PPIP5K1: variants seen among roughly 807,000 people sequenced by gnomAD.
The protein encoded by PPIP5K1 is inositol hexakisphosphate and diphosphoinositol-pentakisphosphate kinase 1.
A neutral mutation model predicts 27.7 loss-of-function variants in PPIP5K1; 6 were observed. The observed-to-expected ratio is 0.22, with a 90% CI of 0.12 to 0.43. The LOEUF is 0.43. Among genes scored for constraint, PPIP5K1 ranks in the 20% least tolerant of loss-of-function variants. The pLI, the probability that PPIP5K1 is intolerant of heterozygous loss-of-function variation, is 1.00. For missense variants in PPIP5K1, 394 were observed against 635.4 expected, an observed-to-expected ratio of 0.62 and a Z score of 4.08; for synonymous variants, 145 against 242.6, an observed-to-expected ratio of 0.60 and a Z score of 3.74.
chr15:43,552,733 A>G (rs1009221382), intron 30 of PPIP5K1, among the ~76,000 whole-genome samples: 1 of 150,354 alleles, frequency 6.7e-6, no homozygotes, highest in Non-Finnish European at 1.5e-5. Flanking sequence ...ATGTTGTTTC[A>G]CCCACAAAAA....
In PPIP5K1 at chr15:43,534,880, C is replaced by T; in HGVS notation, c.4267G>A (p.Val1423Ile). 1 of 1,613,992 alleles carries T rather than the reference C, an allele frequency of 6.2e-7. No individual in the cohort carries two copies. Among genetic ancestry groups the T allele is most frequent in the Non-Finnish European group, 8.5e-7 (1 of 1,179,924 alleles). Residue 1423 changes from valine (V) to isoleucine (I), a missense_variant, in exon 32 of 32, where the codon GTA becomes ATA. By Grantham distance (29) the Val-to-Ile change is conservative (BLOSUM62 3). Transcript: ENST00000420765. The part of the protein sequence containing the change: ...GVGSLVQETL[V>I]EVGSPAEEIP... Reference sequence around the variant, plus strand: ...TCTTCAGCTGGGCTGCCAACTTCTACAAGGGTTTCCTGGACCAAGCTACCA... The same window carrying T: ...TCTTCAGCTGGGCTGCCAACTTCTATAAGGGTTTCCTGGACCAAGCTACCA...
chr15:43,539,199 C>CT lies in PPIP5K1; in HGVS notation c.3670+270_3670+271insA, dbSNP rs2080335210. ...GCAATAAGAGCGAAACTCTGTCTCT[C>CT]AAAAAAAAAAAACAATTATTCCTAA... On this transcript the variant is annotated intron_variant, in intron 31 of 31. Transcript: ENST00000420765. 2.8e-5 allele frequency among the ~76,000 whole-genome samples: 4 copies of CT among 140,538 alleles called. No homozygotes were observed. The South Asian group carries it at 9.0e-4, about 32-fold the overall frequency. The allele number at this position is 140,538 out of a possible 152,430, so 92.2% of individuals were successfully genotyped here. A position where few individuals can be genotyped will look rare whatever the true frequency, so the allele number is the denominator to read the frequency against.
intron 30 of PPIP5K1, among the ~76,000 whole-genome samples, chr15:43,551,335 C>G (rs2584724): frequency 2.0e-5 from 3 of 151,704 alleles, no homozygotes; most frequent in Admixed American, 6.6e-5. Flanking sequence ...CTGGCCAACA[C>G]GGCGAAACCC....
chr15:43,549,056 A>AATATATATATATATATAT (rs762219321), intron 30 of PPIP5K1, among the ~76,000 whole-genome samples: 28 of 54,244 alleles, frequency 5.2e-4, no homozygotes, highest in African/African-American at 3.7e-3. Flanking sequence ...AAAAAAAAAA[A>AATATATATATATATATAT]ATATATATAT....
chr15:43,535,012 C>T lies in PPIP5K1; in HGVS notation c.4135G>A (p.Glu1379Lys), dbSNP rs997443415. Residue 1379 changes from glutamate (E) to lysine (K), a missense_variant, in exon 32 of 32, where the codon GAG (glutamate) becomes AAG (lysine). Physicochemically the swap from Glu to Lys is moderately conservative, Grantham distance 56. This residue lies in a region of PPIP5K1 where 379 missense variants were observed against 423.9 expected (regional missense o/e 0.89). Transcript: ENST00000420765. ...KSSQLCQKVS[E>K]EVCQLCLENS... ...TCCAGACATAGCTGGCAAACTTCCTCAGAGACTTTCTGGCACAGTTGGCTG... is the reference window on the plus strand; with the variant it reads ...TCCAGACATAGCTGGCAAACTTCCTTAGAGACTTTCTGGCACAGTTGGCTG... The T allele has an allele frequency of 5.6e-6, 9 of 1,613,108 alleles. No homozygotes were observed. Among genetic ancestry groups the T allele is most frequent in the Admixed American group, 5.0e-5 (3 of 59,936 alleles).
intron 30 of PPIP5K1, among the ~76,000 whole-genome samples, chr15:43,541,474 T>C (rs556863467): frequency 9.2e-5 from 14 of 152,108 alleles, no homozygotes; most frequent in African/African-American, 2.4e-4. Flanking sequence ...CCCAGCACTT[T>C]GGGAGGCCGA....
intron 31 of PPIP5K1, chr15:43,536,034 C>G: frequency 1.7e-6 from 2 of 1,191,366 alleles, no homozygotes; most frequent in Non-Finnish European, 2.2e-6. Context: ...CAATGTATTT[C>G]TGGGGCAGAG....
intron 30 of PPIP5K1, among the ~76,000 whole-genome samples, chr15:43,547,281 A>G (rs1208740264): frequency 1.3e-5 from 2 of 152,134 alleles, no homozygotes; most frequent in African/African-American, 4.8e-5. Flanking sequence ...TACGTATTAG[A>G]TATAATATTT....
In PPIP5K1 at chr15:43,535,274, A is replaced by G. The variant is rs770834917; in HGVS notation, c.3873T>C (p.Phe1291=). 1 of 1,614,150 alleles carries G rather than the reference A, an allele frequency of 6.2e-7. No homozygotes were observed. Among genetic ancestry groups the G allele is most frequent in the Admixed American group, 1.7e-5 (1 of 60,010 alleles). Residue 1291 remains phenylalanine (F), a synonymous_variant, in exon 32 of 32, where the codon TTT becomes TTC. Transcript: ENST00000420765. The stretch of plus-strand genomic sequence containing the variant: ...GCACCTGTGGGGACTGATTTGGTTC[A>G]AAAAGCTCTTGCTCCCCTTCTATGG... ...ELSIEGEQEL[F]EPNQSPQVPP...
intron 10 of PPIP5K1, among the ~76,000 whole-genome samples, chr15:43,580,710 G>A (rs1247290251): frequency 2.3e-4 from 17 of 72,618 alleles, no homozygotes; most frequent in African/African-American, 1.4e-3. Context: ...TTCTCCTGCC[G>A]CAGCCTCCCT....
At chr15:43,547,935 G>C (rs1053925258) in intron 30 of PPIP5K1, among the ~76,000 whole-genome samples, 24 of 152,224 alleles carry the variant, frequency 1.6e-4, no homozygotes, top group Admixed American at 1.3e-3. Flanking sequence ...AGATCGCTTT[G>C]GGGAATACTG....
In PPIP5K1 at chr15:43,535,218, T is replaced by C. The variant is rs760084750; in HGVS notation, c.3929A>G (p.Glu1310Gly). 6.2e-7 allele frequency: 1 copy of C among 1,614,116 alleles called. No homozygotes were observed. Among genetic ancestry groups the C allele is most frequent in the South Asian group, 1.1e-5 (1 of 91,072 alleles). ...GACCTCCTGACATGGCTGGCTGACC[T>C]CCTCGTATGGCTGGCTGGTTTCCAT... ...PPMETSQPYE[E>G]VSQPCQEVPD... is the part of the protein sequence containing the mutation. The change falls in exon 32 of 32, where the codon GAG (glutamate) becomes GGG (glycine). Residue 1310 changes from glutamate to glycine, a missense_variant. Glu to Gly is a moderately conservative substitution (Grantham distance 98). Transcript: ENST00000420765.
At chr15:43,537,568 A>C (rs918803178) in intron 31 of PPIP5K1, among the ~76,000 whole-genome samples, 6 of 150,132 alleles carry the variant, frequency 4.0e-5, no homozygotes, top group Non-Finnish European at 4.4e-5. Flanking sequence ...ACGTGCCTGT[A>C]ATCCCAGTTA....
Position 43,534,580 on chromosome 15 carries a change from G to A in PPIP5K1, c.*94C>T, listed in dbSNP as rs977459838. On this transcript the variant is annotated 3_prime_UTR_variant, in exon 32 of 32. Transcript: ENST00000420765. The stretch of plus-strand genomic sequence containing the variant: ...GAGTGCTGGTCATGGGCTAGAGACT[G>A]GCTCTGAGGGTTTGGATCACCAGAT... 8 of 1,139,878 alleles carry A rather than the reference G, an allele frequency of 7.0e-6. No individual in the cohort carries two copies. In the African/African-American group the frequency reaches 7.8e-5, roughly 11 times the overall value. 70.6% of individuals were successfully genotyped at this position (1,139,878 alleles called of 1,614,324 possible).
chr15:43,551,596 T>A (rs1354813425), intron 30 of PPIP5K1, among the ~76,000 whole-genome samples: 3 of 123,244 alleles, frequency 2.4e-5, no homozygotes, highest in African/African-American at 1.4e-4. Flanking sequence ...ACTTTCTACT[T>A]CTTGATTCAG....
intron 30 of PPIP5K1, among the ~76,000 whole-genome samples, chr15:43,556,915 G>A (rs1355761887): frequency 6.6e-6 from 1 of 152,078 alleles, no homozygotes; most frequent in Non-Finnish European, 1.5e-5. Flanking sequence ...GCATTTTCCT[G>A]GTTACTGAAA....
intron 30 of PPIP5K1, among the ~76,000 whole-genome samples, chr15:43,548,040 C>T (rs2081589539): frequency 6.6e-6 from 1 of 152,078 alleles, no homozygotes; most frequent in African/African-American, 2.4e-5. Context: ...GACAGGGTCT[C>T]ACTTTGTCAC....
intron 30 of PPIP5K1, among the ~76,000 whole-genome samples, chr15:43,549,519 G>A (rs1366856981): frequency 9.9e-5 from 15 of 151,958 alleles, no homozygotes; most frequent in Non-Finnish European, 2.2e-4. Context: ...CAGCCGTGGT[G>A]GCACATGCCT....
chr15:43,539,043 T>TGAC (rs1193980338), intron 31 of PPIP5K1, among the ~76,000 whole-genome samples: 1 of 151,994 alleles, frequency 6.6e-6, no homozygotes, highest in Non-Finnish European at 1.5e-5. Flanking sequence ...AAACCCCGTC[T>TGAC]CTACTAAAAA....
Sources: gnomAD v4.1 joint callset for allele counts (sites outside exome capture counted in the v4.1 genomes callset) on GRCh38, gnomAD v4.1.1 for gene constraint, gnomAD v4.1.1 regional missense constraint, MANE v1.5 for transcripts, NCBI Gene and HGNC (gene_info 2026-07-23, HGNC 2026-07-21) for gene names.